A2M: variants seen among roughly 807,000 people sequenced by gnomAD.
A2M encodes alpha-2-macroglobulin, also known as C3 and PZP-like alpha-2-macroglobulin domain-containing protein 5.
A2M carries 128 observed loss-of-function variants against 183.9 expected under a neutral mutation model. That is an observed-to-expected ratio of 0.70 (90% CI 0.60 to 0.81). The LOEUF is 0.81. A2M is among the 30% of genes least tolerant of loss of function. A2M has a pLI of 0.00. For missense variants in A2M, 1,495 were observed against 1,787.6 expected, an observed-to-expected ratio of 0.84 and a Z score of 2.95; for synonymous variants, 592 against 670.8, an observed-to-expected ratio of 0.88 and a Z score of 1.81.
Position 9,076,930 on chromosome 12 carries a change from C to G in A2M, c.3358G>C (p.Val1120Leu). ...LEIPLTVTHP[V>L]VRNALFCLES... is the part of the protein sequence containing the mutation. The stretch of plus-strand genomic sequence containing the variant: ...AGGCAAAACAGGGCATTGCGGACAA[C>G]AGGGTGCTGTGAAGGCAGAACAAGA... The change falls in exon 28 of 36, where the codon GTT (valine) becomes CTT (leucine). Residue 1120 changes from valine to leucine, a missense_variant. Transcript: ENST00000318602. The G allele has an allele frequency of 6.3e-7, 1 of 1,588,972 alleles. No homozygotes were observed. Among genetic ancestry groups the G allele is most frequent in the Non-Finnish European group, 8.6e-7 (1 of 1,166,790 alleles).
Position 9,077,354 on chromosome 12 carries a change from T to G in A2M, c.3343A>C (p.Thr1115Pro). 6.2e-7 allele frequency: 1 copy of G among 1,613,208 alleles called. No individual in the cohort carries two copies. The highest frequency in any genetic ancestry group is 8.5e-7 in the Non-Finnish European group (1 of 1,179,582). ...AATGGGGTGGTACCTACAGTGACTG[T>G]GAGAGGAATCTCCAGAAGGGCGATG... ...ITIALLEIPL[T>P]VTHPVVRNAL... Residue 1115 changes from threonine (T) to proline (P), a missense_variant, in exon 27 of 36, where the codon ACA becomes CCA. Coordinates refer to ENST00000318602, the MANE Select transcript of A2M (RefSeq NM_000014.6).
At chr12:9,081,579 A>C (rs1036832021) in intron 22 of A2M, among the ~76,000 whole-genome samples, 3 of 152,240 alleles carry the variant, frequency 2.0e-5, no homozygotes, top group African/African-American at 7.2e-5. Flanking sequence ...TACATTGTTC[A>C]TAGAACTGAG....
chr12:9,101,695 T>G, intron 11 of A2M, 21 bp from the exon 12 acceptor site: 1 of 1,536,388 alleles, frequency 6.5e-7, no homozygotes, highest in Non-Finnish European at 8.9e-7. Flanking sequence ...AGAAAAATTA[T>G]ATTATTTTTA....
chr12:9,108,342 G>A lies in A2M; in HGVS notation c.759-698C>T, dbSNP rs188231426. 7.2e-5 allele frequency among the ~76,000 whole-genome samples: 11 copies of A among 152,168 alleles called. No homozygotes were observed. The East Asian group carries it at 2.1e-3, about 29-fold the overall frequency. On this transcript the variant is annotated intron_variant, in intron 7 of 35. Transcript: ENST00000318602. ...GGGGTTTCACCATGTTAGCCAGGAT[G>A]GTCTTGATCTCCTGACCTCGTGATC... is the stretch of plus-strand genomic sequence containing the variant.
intron 18 of A2M, among the ~76,000 whole-genome samples, chr12:9,093,114 C>G (rs2137808249): frequency 6.6e-6 from 1 of 152,164 alleles, no homozygotes; most frequent in Middle Eastern, 3.4e-3. Flanking sequence ...AGAAGCAGGT[C>G]AAAGGGTACA....
chr12:9,108,962 C>T (rs1938514957), intron 7 of A2M, among the ~76,000 whole-genome samples: 1 of 152,106 alleles, frequency 6.6e-6, no homozygotes, highest in Non-Finnish European at 1.5e-5. Flanking sequence ...TTAATTATCT[C>T]CCTAATATAC....
chr12:9,072,571 C>T, intron 30 of A2M, 82 bp downstream of exon 30: 1 of 1,599,812 alleles, frequency 6.3e-7, no homozygotes, highest in South Asian at 1.1e-5. Flanking sequence ...TGATCTGTCC[C>T]ATTGTTTTCT....
In A2M at chr12:9,076,787, G is replaced by C. The variant is rs1948759420; in HGVS notation, c.3501C>G (p.Leu1167=). 6.2e-7 allele frequency: 1 copy of C among 1,613,796 alleles called. No homozygotes were observed. The change falls in exon 28 of 36, where the codon CTC becomes CTG. Residue 1167 remains leucine (L), a synonymous_variant. Coordinates refer to ENST00000318602, the MANE Select transcript of A2M (RefSeq NM_000014.6). ...TCACAGCTTCCTCATTAAGTGACTT[G>C]AGTACTTCCTTCCTCTTGTCCTGGT... ...AGNQDKRKEV[L]KSLNEEAVKK...
At chr12:9,090,204 A>G (rs747246468) in intron 20 of A2M, among the ~76,000 whole-genome samples, 152 bp downstream of exon 20, 1 of 152,354 alleles carries the variant, frequency 6.6e-6, no homozygotes, top group Non-Finnish European at 1.5e-5. Flanking sequence ...GATGTTGAGG[A>G]TATCCTTGTA....
chr12:9,072,331 A>G lies in A2M; in HGVS notation c.4103+28T>C, dbSNP rs758148428. On this transcript the variant is annotated intron_variant, in intron 31 of 35. Coordinates refer to ENST00000318602, the MANE Select transcript of A2M (RefSeq NM_000014.6). ...AAGAAGACTGGTGGTTATTCTTAGG[A>G]TTAGGTGATAGAGTCAGAAGGTCTT... 1.1e-5 allele frequency: 17 copies of G among 1,611,530 alleles called. No individual in the cohort carries two copies. In the Admixed American group the frequency reaches 2.9e-4, roughly 27 times the overall value.
Position 9,099,502 on chromosome 12 carries a change from G to A in A2M, c.1580C>T (p.Ser527Leu), listed in dbSNP as rs200185734. The A allele has an allele frequency of 7.6e-5, 122 of 1,609,848 alleles. No individual in the cohort carries two copies. The highest frequency in any genetic ancestry group is 1.4e-5 in the Non-Finnish European group (17 of 1,178,232). The change falls in exon 14 of 36, where the codon TCA becomes TTA. Residue 527 changes from serine (S) to leucine (L), a missense_variant. By Grantham distance (145) the Ser-to-Leu change is moderately radical. Transcript: ENST00000318602. ...QEDMKGHFSI[S>L]IPVKSDIAPV... is the part of the protein sequence containing the mutation. ...AGCAATGTCTGACTTCACAGGGATTGAGATGGAAAAATGGCCCTTCACTGG... is the reference window on the plus strand; with the variant it reads ...AGCAATGTCTGACTTCACAGGGATTAAGATGGAAAAATGGCCCTTCACTGG...
upstream of A2M, chr12:9,115,942 G>T: frequency 1.0e-6 from 1 of 979,716 alleles, no homozygotes; most frequent in Non-Finnish European, 1.6e-6. Context: ...AAGCAACTGG[G>T]CTTTATGCTG....
intron 27 of A2M, 146 bp from the exon 28 acceptor site, chr12:9,077,082 T>G (rs907022170): frequency 1.3e-6 from 1 of 745,204 alleles, no homozygotes; most frequent in African/African-American, 1.8e-5. Flanking sequence ...TAATATTATT[T>G]TTATCTGTTA....
In A2M at chr12:9,068,047, T is replaced by G. The variant is rs1948448311; in HGVS notation, c.4408+136A>C. The G allele has an allele frequency of 1.4e-5, 16 of 1,126,628 alleles. 2 individuals carry two copies. The South Asian group carries it at 2.3e-4, about 16-fold the overall frequency. 69.8% of individuals were successfully genotyped at this position (1,126,628 alleles called of 1,614,324 possible). A position where few individuals can be genotyped will look rare whatever the true frequency, so the allele number is the denominator to read the frequency against. On this transcript the variant is annotated intron_variant, in intron 35 of 35. Coordinates refer to ENST00000318602, the MANE Select transcript of A2M (RefSeq NM_000014.6). ...TCAGCGGCCCTCTCCAATAAATGTG[T>G]TTTTCTATAATAATGTGCAGTGTGA...
chr12:9,098,531 A>G, intron 15 of A2M, 76 bp downstream of exon 15: 1 of 1,493,952 alleles, frequency 6.7e-7, no homozygotes, highest in East Asian at 2.5e-5. Context: ...ATCTTATCCT[A>G]CTTATCCAGT....
chr12:9,098,396 T>G (rs191816704), intron 15 of A2M: 26 of 286,472 alleles, frequency 9.1e-5, no homozygotes, highest in African/African-American at 5.8e-4. Flanking sequence ...ATATATTGTA[T>G]TTTGTTTATT....
At chr12:9,079,064 A>G (rs1287877463) in intron 25 of A2M, among the ~76,000 whole-genome samples, 180 bp downstream of exon 25, 2 of 152,160 alleles carry the variant, frequency 1.3e-5, no homozygotes, top group Non-Finnish European at 2.9e-5. Context: ...CTAACATAAC[A>G]TGTATTTGGA....
Position 9,074,603 on chromosome 12 carries a change from A to G in A2M, c.3713T>C (p.Ile1238Thr). The change falls in exon 29 of 36, where the codon ATC becomes ACC. Residue 1238 changes from isoleucine (I) to threonine (T), a missense_variant. Coordinates refer to ENST00000318602, the MANE Select transcript of A2M (RefSeq NM_000014.6). ...LTSATNIVKW[I>T]TKQQNAQGGF... ...GCCCTGGGCATTCTGCTGCTTCGTG[A>G]TCCACTTCACGATGTTGGTTGCAGA... 1 of 1,613,712 alleles carries G rather than the reference A, an allele frequency of 6.2e-7. No homozygotes were observed. The highest frequency in any genetic ancestry group is 1.1e-5 in the South Asian group (1 of 90,928).
chr12:9,071,566 GT>G (rs1384626073), intron 31 of A2M, among the ~76,000 whole-genome samples: 4 of 152,044 alleles, frequency 2.6e-5, no homozygotes, highest in Admixed American at 6.6e-5. Context: ...CTGAATTGTT[GT>G]TTTTTTCTGA....
Sources: allele counts gnomAD v4.1 joint callset (sites outside exome capture counted in the v4.1 genomes callset), GRCh38; gene constraint gnomAD v4.1.1; transcripts MANE v1.5; gene names NCBI Gene and HGNC (gene_info 2026-07-23, HGNC 2026-07-21).